Variants in TNFRSF13B observed in about 807,000 individuals in gnomAD.
TNFRSF13B encodes the protein TNF receptor superfamily member 13B.
Under a neutral mutation model 24.0 loss-of-function variants are expected in TNFRSF13B, and 34 were observed. That is an observed-to-expected ratio of 1.41 (90% confidence interval 1.08 to 1.88). The LOEUF is 1.88. TNFRSF13B is among the 40% of genes most tolerant of loss of function. The pLI, the probability that TNFRSF13B is intolerant of heterozygous loss-of-function variation, is 0.00. For synonymous variants in TNFRSF13B, 173 were observed against 150.3 expected, an observed-to-expected ratio of 1.15 and a Z score of -1.10; for missense variants, 415 against 380.8, an observed-to-expected ratio of 1.09 and a Z score of -0.75.
chr17:16,946,247 G>A (rs2087546927), intron 3 of TNFRSF13B, among the ~76,000 whole-genome samples: 1 of 152,230 alleles, frequency 6.6e-6, no homozygotes, highest in South Asian at 2.1e-4. Flanking sequence ...CTGGCCTCAT[G>A]GAAATGATGT....
intron 1 of TNFRSF13B, among the ~76,000 whole-genome samples, chr17:16,971,388 A>C (rs1240596085): frequency 3.8e-5 from 5 of 132,084 alleles, no homozygotes; most frequent in African/African-American, 1.7e-4. Flanking sequence ...AACAAAAAAA[A>C]AGAAAGCTAT....
chr17:16,966,173 G>A (rs1318844767), intron 1 of TNFRSF13B, among the ~76,000 whole-genome samples: 5 of 151,326 alleles, frequency 3.3e-5, no homozygotes, highest in South Asian at 2.1e-4. Context: ...AGAATCTCTC[G>A]AACCCAGTTG....
Position 16,939,422 on chromosome 17 carries a change from G to T in TNFRSF13B, c.*125C>A. ...CTCTCTCTCCCTCTCTGTCTCCTCT[G>T]TTTCTCTCCCTCTCTGCCTCCTCTG... On this transcript the variant is annotated 3_prime_UTR_variant, in exon 5 of 5. Transcript: ENST00000261652. 2 of 1,188,200 alleles carry T rather than the reference G, an allele frequency of 1.7e-6. No individual in the cohort carries two copies. The highest frequency in any genetic ancestry group is 2.3e-6 in the Non-Finnish European group (2 of 862,974). The allele number at this position is 1,188,200 out of a possible 1,614,324, so 73.6% of individuals were successfully genotyped here. A position where few individuals can be genotyped will look rare whatever the true frequency, so the allele number is the denominator to read the frequency against.
In TNFRSF13B at chr17:16,960,806, G is replaced by A. The variant is rs533054247; in HGVS notation, c.62-8223C>T. Among the ~76,000 whole-genome samples the A allele has an allele frequency of 9.9e-5, 15 of 152,270 alleles. No individual in the cohort carries two copies. The South Asian group carries it at 2.5e-3, about 25-fold the overall frequency. On this transcript the variant is annotated intron_variant, in intron 1 of 4. Transcript: ENST00000261652. ...CACCAAAGGACACTATTGAGAGAGT[G>A]AAAAGACAACTCACAGAATGGGAGA...
At chr17:16,942,563 C>G (rs1490256241) in intron 3 of TNFRSF13B, among the ~76,000 whole-genome samples, 1 of 152,118 alleles carries the variant, frequency 6.6e-6, no homozygotes, top group African/African-American at 2.4e-5. Flanking sequence ...GACCTGCAAA[C>G]TTGGTGCCAC....
At chr17:16,958,036 G>A (rs1420675140) in intron 1 of TNFRSF13B, among the ~76,000 whole-genome samples, 2 of 152,052 alleles carry the variant, frequency 1.3e-5, no homozygotes, top group African/African-American at 4.8e-5. Context: ...GTTAAACAGT[G>A]ATTGCAAACC....
At chr17:16,955,870 C>T (rs2087621256) in intron 1 of TNFRSF13B, among the ~76,000 whole-genome samples, 1 of 152,226 alleles carries the variant, frequency 6.6e-6, no homozygotes, top group Admixed American at 6.5e-5. Flanking sequence ...ATGGTAGTGG[C>T]TACTTACTAT....
At chr17:16,966,477 G>C (rs1319068492) in intron 1 of TNFRSF13B, among the ~76,000 whole-genome samples, 1 of 152,158 alleles carries the variant, frequency 6.6e-6, no homozygotes, top group Non-Finnish European at 1.5e-5. Context: ...TACAACATAA[G>C]GATGCTTGGT....
chr17:16,939,750 C>G lies in TNFRSF13B; in HGVS notation c.679G>C (p.Val227Leu), dbSNP rs2087494064. Reference protein sequence around the residue: ...GSPVSTSPEPVETCSFCFPEC... With the variant: ...GSPVSTSPEPLETCSFCFPEC... ...GGGAAGCAGAAGCTGCAGGTCTCCA[C>G]TGGCTCGGGGGATGTGCTCACAGGG... Residue 227 changes from valine to leucine, a missense_variant, in exon 5 of 5, where the codon GTG (valine) becomes CTG (leucine). Physicochemically the swap from Val to Leu is conservative, Grantham distance 32. Transcript: ENST00000261652. 6.2e-7 allele frequency: 1 copy of G among 1,609,696 alleles called. No homozygotes were observed. The highest frequency in any genetic ancestry group is 1.7e-5 in the Admixed American group (1 of 59,706).
At chr17:16,971,852 C>T (rs112023998) in intron 1 of TNFRSF13B, among the ~76,000 whole-genome samples, 163 bp downstream of exon 1, 11 of 152,272 alleles carry the variant, frequency 7.2e-5, no homozygotes, top group Middle Eastern at 3.4e-3. Flanking sequence ...CATCCAGACT[C>T]GGGGCTCTCC....
At chr17:16,967,668 C>T (rs766263167) in intron 1 of TNFRSF13B, among the ~76,000 whole-genome samples, 12 of 140,278 alleles carry the variant, frequency 8.6e-5, no homozygotes, top group African/African-American at 2.2e-4. Flanking sequence ...AGGAGAATGG[C>T]GTGAACCCAG....
intron 1 of TNFRSF13B, among the ~76,000 whole-genome samples, chr17:16,971,687 A>G (rs1424689946): frequency 6.6e-6 from 1 of 152,122 alleles, no homozygotes; most frequent in African/African-American, 2.4e-5. Context: ...ACAATCTGGT[A>G]TTTGAGATTA....
chr17:16,939,494 C>G lies in TNFRSF13B; in HGVS notation c.*53G>C. ...CTCCCCTCTCCCCACCTCTCTTTCT[C>G]TCTCCCCTCCTCTCCATCTCTCTCC... On this transcript the variant is annotated 3_prime_UTR_variant, in exon 5 of 5. Coordinates refer to ENST00000261652, the MANE Select transcript of TNFRSF13B (RefSeq NM_012452.3). 1.9e-6 allele frequency: 3 copies of G among 1,564,732 alleles called. No homozygotes were observed. Among genetic ancestry groups the G allele is most frequent in the Non-Finnish European group, 2.6e-6 (3 of 1,151,414 alleles).
At chr17:16,964,925 C>T (rs1004811436) in intron 1 of TNFRSF13B, among the ~76,000 whole-genome samples, 1 of 152,048 alleles carries the variant, frequency 6.6e-6, no homozygotes, top group Non-Finnish European at 1.5e-5. Context: ...ACACTCTAGA[C>T]TTTCTTTTGT....
intron 1 of TNFRSF13B, among the ~76,000 whole-genome samples, chr17:16,961,026 GA>G (rs1868747828): frequency 6.6e-6 from 1 of 152,164 alleles, no homozygotes; most frequent in Non-Finnish European, 1.5e-5. Context: ...AGTCATTAGG[GA>G]AATGCAAATT....
chr17:16,952,134 C>A (rs1022906776), intron 2 of TNFRSF13B, among the ~76,000 whole-genome samples: 22 of 152,248 alleles, frequency 1.4e-4, no homozygotes, highest in African/African-American at 5.3e-4. Flanking sequence ...TCAGAGGAGA[C>A]CCCTGACGTT....
intron 3 of TNFRSF13B, among the ~76,000 whole-genome samples, chr17:16,944,130 G>A (rs2087531054): frequency 6.6e-6 from 1 of 152,106 alleles, no homozygotes; most frequent in South Asian, 2.1e-4. Context: ...GGTCCCTCCT[G>A]CTTCTGTGGA....
intron 1 of TNFRSF13B, among the ~76,000 whole-genome samples, chr17:16,965,776 C>T (rs752750910): frequency 6.6e-6 from 1 of 151,882 alleles, no homozygotes; most frequent in Admixed American, 6.6e-5. Context: ...TCCCTCAGAT[C>T]GAAAAGCAAC....
At chr17:16,966,827 T>A (rs2087703419) in intron 1 of TNFRSF13B, among the ~76,000 whole-genome samples, 1 of 117,292 alleles carries the variant, frequency 8.5e-6, no homozygotes, top group Non-Finnish European at 1.6e-5. Flanking sequence ...TTGTTTTTTC[T>A]TTTTCTTTTT....
Sources: allele counts gnomAD v4.1 joint callset (sites outside exome capture counted in the v4.1 genomes callset), GRCh38; gene constraint gnomAD v4.1.1; transcripts MANE v1.5; gene names NCBI Gene and HGNC (gene_info 2026-07-23, HGNC 2026-07-21).